PLEKHA5: variants seen among roughly 807,000 people sequenced by gnomAD.
PLEKHA5 encodes the protein pleckstrin homology domain-containing family A member 5.
PLEKHA5 carries 55 observed loss-of-function variants against 181.9 expected under a neutral mutation model. That is an observed-to-expected ratio of 0.30 (90% CI 0.24 to 0.38). The LOEUF (loss-of-function observed/expected upper bound fraction) is 0.38, where lower values mean the gene tolerates loss of function less well. Among genes scored for constraint, PLEKHA5 ranks in the 10% least tolerant of loss-of-function variants. The pLI, the probability that PLEKHA5 is intolerant of heterozygous loss-of-function variation, is 1.00. For synonymous variants in PLEKHA5, 535 were observed against 529.4 expected, an observed-to-expected ratio of 1.01 and a Z score of -0.15; for missense variants, 1,432 against 1,549.5, an observed-to-expected ratio of 0.92 and a Z score of 1.27.
At chr12:19,350,872 A>C (rs2094558733) in intron 25 of PLEKHA5, among the ~76,000 whole-genome samples, 1 of 152,152 alleles carries the variant, frequency 6.6e-6, no homozygotes, top group Non-Finnish European at 1.5e-5. Flanking sequence ...TCGTTTTTTA[A>C]ATTTAAAAAT....
intron 20 of PLEKHA5, among the ~76,000 whole-genome samples, chr12:19,323,016 ATT>A (rs538132540): frequency 0.062 from 5,727 of 92,528 alleles, 199 homozygotes; most frequent in East Asian, 0.1. Flanking sequence ...ACCTGGCTAG[ATT>A]TTTTTTTTTT....
Position 19,322,518 on chromosome 12 carries a change from T to C in PLEKHA5, c.2299T>C (p.Tyr767His), listed in dbSNP as rs1350464863. ...EKLQQLHKEK[Y>H]TLEQALLSAS... ...AGTGTAATTCTTTTTATCATAATAG[T>C]ACACGCTTGAGCAAGCTTTGCTATC... is the stretch of plus-strand genomic sequence containing the variant. The change falls in exon 20 of 32, where the codon TAC (tyrosine) becomes CAC (histidine). Residue 767 changes from tyrosine (Y) to histidine (H), a missense_variant and splice_region_variant. By Grantham distance (83) the Tyr-to-His change is moderately conservative. This residue lies in a region of PLEKHA5 where 1,143 missense variants were observed against 1,168.4 expected (regional missense o/e 0.98). Coordinates refer to ENST00000429027, the MANE Select transcript of PLEKHA5 (RefSeq NM_001256470.2). 2 of 1,613,632 alleles carry C rather than the reference T, an allele frequency of 1.2e-6. No homozygotes were observed. The highest frequency in any genetic ancestry group is 1.7e-6 in the Non-Finnish European group (2 of 1,179,644).
At chr12:19,278,614 C>A (rs2075247654) in intron 11 of PLEKHA5, among the ~76,000 whole-genome samples, 1 of 152,100 alleles carries the variant, frequency 6.6e-6, no homozygotes, top group Non-Finnish European at 1.5e-5. Context: ...CCCTAGCTGA[C>A]ATATTTGCAC....
chr12:19,257,370 A>G (rs1233351712), intron 5 of PLEKHA5, 63 bp from the exon 6 acceptor site: 1 of 722,410 alleles, frequency 1.4e-6, no homozygotes, highest in African/African-American at 1.9e-5. Flanking sequence ...TTTTAAGAGG[A>G]AGATAAGCTC....
intron 6 of PLEKHA5, among the ~76,000 whole-genome samples, chr12:19,260,243 T>G (rs912287094): frequency 1.3e-5 from 2 of 152,216 alleles, no homozygotes; most frequent in Non-Finnish European, 2.9e-5. Context: ...TTGGAATAAT[T>G]TCAATTCACA....
At chr12:19,193,494 T>G (rs2051766016) in intron 3 of PLEKHA5, among the ~76,000 whole-genome samples, 1 of 152,180 alleles carries the variant, frequency 6.6e-6, no homozygotes, top group Admixed American at 6.5e-5. Context: ...GAGTTTTGAT[T>G]TTTTTAATTT....
chr12:19,349,907 T>G (rs1281289602), intron 25 of PLEKHA5, among the ~76,000 whole-genome samples: 1 of 151,902 alleles, frequency 6.6e-6, no homozygotes, highest in Non-Finnish European at 1.5e-5. Flanking sequence ...GGTCAGGAGG[T>G]GGAGACCATC....
rs988940998 is a variant in PLEKHA5 at position 19,136,098 on chromosome 12, C to G, written c.227+3648C>G. Reference sequence around the variant, plus strand: ...ACAGGGTCTTCCTATGTTGCCCAGCCTGATCTTGAACTCCTAGGCTCACGC... The same window carrying G: ...ACAGGGTCTTCCTATGTTGCCCAGCGTGATCTTGAACTCCTAGGCTCACGC... On this transcript the variant is annotated intron_variant, in intron 3 of 31. Transcript: ENST00000429027. 2.6e-5 allele frequency among the ~76,000 whole-genome samples: 4 copies of G among 151,994 alleles called. No individual in the cohort carries two copies. In the South Asian group the frequency reaches 8.3e-4, roughly 32 times the overall value.
intron 3 of PLEKHA5, among the ~76,000 whole-genome samples, chr12:19,228,516 TGTAA>T (rs2060000532): frequency 6.6e-6 from 1 of 152,192 alleles, no homozygotes; most frequent in Non-Finnish European, 1.5e-5. Flanking sequence ...ACACTATTGT[TGTAA>T]GTCTTGTAAT....
chr12:19,282,288 A>AG (rs2076355322), intron 11 of PLEKHA5, among the ~76,000 whole-genome samples: 1 of 152,300 alleles, frequency 6.6e-6, no homozygotes, highest in Non-Finnish European at 1.5e-5. Context: ...CCATCTATGA[A>AG]GTGGAATATT....
At chr12:19,198,211 G>A (rs2053388150) in intron 3 of PLEKHA5, among the ~76,000 whole-genome samples, 1 of 152,144 alleles carries the variant, frequency 6.6e-6, no homozygotes, top group South Asian at 2.1e-4. Flanking sequence ...ATAGCACTTA[G>A]AATAAAATCC....
At chr12:19,223,500 T>G (rs1287640059) in intron 3 of PLEKHA5, among the ~76,000 whole-genome samples, 1 of 152,168 alleles carries the variant, frequency 6.6e-6, no homozygotes, top group Admixed American at 6.5e-5. Flanking sequence ...CTTGTTTGTT[T>G]TGTTATATTT....
At chr12:19,333,666 T>G (rs1212380468) in intron 20 of PLEKHA5, among the ~76,000 whole-genome samples, 2 of 148,516 alleles carry the variant, frequency 1.3e-5, no homozygotes, top group Non-Finnish European at 3.0e-5. Flanking sequence ...TGGAGTGCAG[T>G]GACACCATCT....
chr12:19,143,164 T>C (rs1290362358), intron 3 of PLEKHA5, among the ~76,000 whole-genome samples: 1 of 152,224 alleles, frequency 6.6e-6, no homozygotes, highest in Non-Finnish European at 1.5e-5. Context: ...GTAGATCATA[T>C]ATGGTAGTTC....
At chr12:19,133,330 C>T (rs1591760943) in intron 3 of PLEKHA5, among the ~76,000 whole-genome samples, 2 of 151,804 alleles carry the variant, frequency 1.3e-5, no homozygotes, top group South Asian at 4.1e-4. Flanking sequence ...TTTTAATCCC[C>T]CAACGAAAAA....
intron 5 of PLEKHA5, among the ~76,000 whole-genome samples, chr12:19,256,565 G>GCT (rs2066928250): frequency 2.6e-5 from 4 of 152,088 alleles, no homozygotes; most frequent in African/African-American, 9.7e-5. Context: ...CTGTTTGAAA[G>GCT]TAAATTAAAA....
chr12:19,193,030 G>A (rs1242823708), intron 3 of PLEKHA5, among the ~76,000 whole-genome samples: 4 of 152,118 alleles, frequency 2.6e-5, no homozygotes, highest in Non-Finnish European at 5.9e-5. Flanking sequence ...GGTCCACAAG[G>A]CCTGAAATAT....
chr12:19,175,920 C>T (rs1479217567), intron 3 of PLEKHA5, among the ~76,000 whole-genome samples: 3 of 152,118 alleles, frequency 2.0e-5, no homozygotes, highest in Non-Finnish European at 2.9e-5. Flanking sequence ...AGGATTCTGC[C>T]CGGGTTGTAC....
At chr12:19,304,685 A>G (rs368011923) in intron 15 of PLEKHA5, among the ~76,000 whole-genome samples, 6 of 152,136 alleles carry the variant, frequency 3.9e-5, no homozygotes, top group African/African-American at 4.8e-5. Flanking sequence ...CCAGTCCCCA[A>G]TAAGAATTGC....
Sources: gnomAD v4.1 joint callset for allele counts (sites outside exome capture counted in the v4.1 genomes callset) on GRCh38, gnomAD v4.1.1 for gene constraint, gnomAD v4.1.1 regional missense constraint, MANE v1.5 for transcripts, NCBI Gene and HGNC (gene_info 2026-07-23, HGNC 2026-07-21) for gene names.